The following NFAT5 variants were observed in gnomAD, a reference collection of about 807,000 sequenced individuals.
NFAT5 encodes the protein nuclear factor of activated T-cells 5.
Under a neutral mutation model 166.5 loss-of-function variants are expected in NFAT5, and 31 were observed. The ratio of observed to expected loss-of-function variants is 0.19; its 90% CI spans 0.14 to 0.25. NFAT5 has a LOEUF of 0.25. Ranked by LOEUF, NFAT5 falls within the 10% of genes least tolerant of loss-of-function variation. NFAT5 has a pLI of 1.00. For missense variants in NFAT5, 1,449 were observed against 1,821.8 expected (o/e 0.80, Z 3.72); for synonymous variants, 612 against 639.7 (o/e 0.96, Z 0.65).
In NFAT5 at chr16:69,636,319, G is replaced by A. The variant is rs144561008; in HGVS notation, c.253+9791G>A. Among the ~76,000 whole-genome samples, 1,325 of 152,254 alleles carry A rather than the reference G, an allele frequency of 8.7e-3. 19 individuals are homozygous for A. Among genetic ancestry groups the A allele is most frequent in the African/African-American group, 0.031 (1,269 of 41,532 alleles). On this transcript the variant is annotated intron_variant, in intron 3 of 14. Coordinates refer to ENST00000349945, the MANE Select transcript of NFAT5 (RefSeq NM_138713.4). ...CATGGGCTGGCATTGAGTGGCTGCAGCTTTTCTAGGTGCATGATGCAGGTT... is the reference window on the plus strand; with the variant it reads ...CATGGGCTGGCATTGAGTGGCTGCAACTTTTCTAGGTGCATGATGCAGGTT...
chr16:69,676,636 G>A (rs1238220211), intron 9 of NFAT5, among the ~76,000 whole-genome samples: 2 of 152,166 alleles, frequency 1.3e-5, no homozygotes, highest in Admixed American at 1.3e-4. Context: ...ACATTCTTAT[G>A]TTTGGAGAAA....
Position 69,698,345 on chromosome 16 carries a change from G to A in NFAT5, c.*1994G>A, listed in dbSNP as rs1193768256. 6.6e-6 allele frequency: 1 copy of A among 152,050 alleles called. No individual in the cohort carries two copies. Among genetic ancestry groups the A allele is most frequent in the African/African-American group, 2.4e-5 (1 of 41,276 alleles). The allele number at this position is 152,050 out of a possible 1,614,324, so 9.4% of individuals were successfully genotyped here. On this transcript the variant is annotated 3_prime_UTR_variant, in exon 15 of 15. Transcript: ENST00000349945. ...TATTTAGGAAATGGTATACTATTTT[G>A]CTATTTGTACTGAGTGAGTACATTG...
At chr16:69,605,702 TC>T (rs1360651047) in intron 2 of NFAT5, among the ~76,000 whole-genome samples, 1 of 151,982 alleles carries the variant, frequency 6.6e-6, no homozygotes, top group Non-Finnish European at 1.5e-5. Flanking sequence ...GAAAGTCTGT[TC>T]CCTTTTTTCT....
chr16:69,631,309 T>C (rs924075355), intron 3 of NFAT5, among the ~76,000 whole-genome samples: 15 of 152,036 alleles, frequency 9.9e-5, no homozygotes, highest in Non-Finnish European at 2.2e-4. Context: ...CAGGCTTCTG[T>C]AATCCCAGCT....
At chr16:69,671,218 A>G (rs9924953) in intron 9 of NFAT5, among the ~76,000 whole-genome samples, 24,543 of 152,202 alleles carry the variant, frequency 0.16, 2,178 homozygotes, top group East Asian at 0.38. Context: ...CACAAGTTCA[A>G]AGGTCCCCAG....
intron 2 of NFAT5, among the ~76,000 whole-genome samples, chr16:69,594,527 T>C (rs1488787718): frequency 6.6e-6 from 1 of 152,198 alleles, no homozygotes; most frequent in African/African-American, 2.4e-5. Context: ...TGATCTACAA[T>C]GTCAGTATTA....
chr16:69,648,257 A>G (rs891228445), intron 4 of NFAT5: 1 of 985,068 alleles, frequency 1.0e-6, no homozygotes, highest in Non-Finnish European at 1.2e-6. Context: ...AACAGTCACT[A>G]AGAGCTATGT....
chr16:69,631,086 G>GAATTTTTTTAAA (rs2034693972), intron 3 of NFAT5, among the ~76,000 whole-genome samples: 1 of 152,090 alleles, frequency 6.6e-6, no homozygotes, highest in Non-Finnish European at 1.5e-5. Context: ...TTTTCTAAGT[G>GAATTTTTTTAAA]GACTGTTTGA....
chr16:69,684,209 G>A (rs77944668), intron 10 of NFAT5, among the ~76,000 whole-genome samples: 36,989 of 144,434 alleles, frequency 0.26, 5,171 homozygotes, highest in East Asian at 0.45. Context: ...CAGTGAGCCA[G>A]GATCATACCA....
intron 3 of NFAT5, among the ~76,000 whole-genome samples, chr16:69,631,491 G>C (rs1340660767): frequency 6.6e-6 from 1 of 152,194 alleles, no homozygotes; most frequent in East Asian, 1.9e-4. Context: ...AATTCAGCCA[G>C]AGAATCTTAA....
intron 7 of NFAT5, among the ~76,000 whole-genome samples, chr16:69,664,389 A>G (rs761540770): frequency 6.6e-6 from 1 of 152,076 alleles, no homozygotes; most frequent in Non-Finnish European, 1.5e-5. Context: ...GGTTCACACC[A>G]TTCTCCTGCC....
intron 7 of NFAT5, among the ~76,000 whole-genome samples, chr16:69,666,498 C>A (rs1183143570): frequency 2.0e-5 from 3 of 152,128 alleles, no homozygotes; most frequent in East Asian, 3.9e-4. Flanking sequence ...ACCCCATCAA[C>A]AAGTGGGCGA....
intron 2 of NFAT5, among the ~76,000 whole-genome samples, chr16:69,598,529 A>G (rs914774127): frequency 2.0e-5 from 3 of 152,138 alleles, no homozygotes; most frequent in African/African-American, 4.8e-5. Flanking sequence ...TAATTGTTTC[A>G]TGATAAAAAT....
At position 69,691,880 on chromosome 16, in the gene NFAT5, C is replaced by T. The variant is rs903905193; in HGVS notation, c.2055C>T (p.Pro685=). 2.5e-6 allele frequency: 4 copies of T among 1,614,124 alleles called. No individual in the cohort carries two copies. The highest frequency in any genetic ancestry group is 1.7e-4 in the Middle Eastern group (1 of 6,060). ...ATGAAAAACAGCAGCAGATTCAGCC[C>T]AAGGCATACAACCCAGAGACCCTGA... ...SENEKQQQIQ[P]KAYNPETLTT... Residue 685 remains proline (P), a synonymous_variant, in exon 13 of 15, where the codon CCC becomes CCT. Transcript: ENST00000349945.
In NFAT5 at chr16:69,691,023, A is replaced by G. The variant is rs1049303067; in HGVS notation, c.1858A>G (p.Ile620Val). The change falls in exon 12 of 15, where the codon ATT becomes GTT. Residue 620 changes from isoleucine to valine, a missense_variant. Around this residue, in one of 7 missense-constraint regions of NFAT5, gnomAD observed 245 missense variants for 366.6 expected, o/e 0.67. Transcript: ENST00000349945. Reference protein sequence around the residue: ...LMTPLIPSSMIKSEDVTPMEV... With the variant: ...LMTPLIPSSMVKSEDVTPMEV... ...GACTCCACTCATACCAAGCAGTATG[A>G]TTAAGAGTGAAGATGTTACTCCAAT... is the stretch of plus-strand genomic sequence containing the variant. The G allele has an allele frequency of 6.2e-7, 1 of 1,609,234 alleles. No homozygotes were observed. The highest frequency in any genetic ancestry group is 8.5e-7 in the Non-Finnish European group (1 of 1,178,004).
chr16:69,658,505 A>C (rs1453331987), intron 6 of NFAT5, among the ~76,000 whole-genome samples: 1 of 152,026 alleles, frequency 6.6e-6, no homozygotes, highest in Non-Finnish European at 1.5e-5. Flanking sequence ...AAAAAGTTGA[A>C]AACACAGGGT....
rs563226857 is a variant in NFAT5, at chr16:69,636,892, T to C, written c.254-10136T>C. Among the ~76,000 whole-genome samples the C allele has an allele frequency of 3.9e-5, 6 of 152,358 alleles. No individual in the cohort carries two copies. In the South Asian group the frequency reaches 8.3e-4, roughly 21 times the overall value. On this transcript the variant is annotated intron_variant, in intron 3 of 14. Coordinates refer to ENST00000349945, the MANE Select transcript of NFAT5 (RefSeq NM_138713.4). ...TTAACATTAGGCTTCTTGCTACTTA[T>C]GCAGTTTTCTGCAGCCAGCTTGAAT...
intron 5 of NFAT5, among the ~76,000 whole-genome samples, chr16:69,654,660 C>T (rs1235403388): frequency 1.3e-5 from 2 of 152,164 alleles, no homozygotes; most frequent in Admixed American, 6.5e-5. Flanking sequence ...AATGAATTGA[C>T]CTTAAAAGTT....
intron 1 of NFAT5, among the ~76,000 whole-genome samples, chr16:69,567,106 T>C (rs1228587189): frequency 6.6e-6 from 1 of 152,184 alleles, no homozygotes; most frequent in African/African-American, 2.4e-5. Context: ...CCTCTCTGGA[T>C]TGGTTTTATT....
Sources: allele counts gnomAD v4.1 joint callset (sites outside exome capture counted in the v4.1 genomes callset), GRCh38; gene constraint gnomAD v4.1.1; regional missense constraint gnomAD v4.1.1; transcripts MANE v1.5; gene names NCBI Gene and HGNC (gene_info 2026-07-23, HGNC 2026-07-21).